The following SYNDIG1 variants were observed in gnomAD, a reference collection of about 807,000 sequenced individuals.
SYNDIG1 encodes the protein synapse differentiation inducing 1.
A neutral mutation model predicts 19.4 loss-of-function variants in SYNDIG1; 9 were observed. The ratio of observed to expected loss-of-function variants is 0.46; its 90% CI spans 0.28 to 0.81. The LOEUF (loss-of-function observed/expected upper bound fraction) is 0.81. Among genes scored for constraint, SYNDIG1 ranks in the 30% least tolerant of loss-of-function variants. The pLI is 0.12. For missense variants in SYNDIG1, 311 were observed against 343.3 expected, an observed-to-expected ratio of 0.91 and a Z score of 0.74; for synonymous variants, 141 against 145.9, an observed-to-expected ratio of 0.97 and a Z score of 0.24.
rs992791895 is a variant in SYNDIG1 at position 24,613,107 on chromosome 20, A to G, written c.618+28114A>G. Among the ~76,000 whole-genome samples, 15 of 152,210 alleles carry G rather than the reference A, an allele frequency of 9.9e-5. No individual in the cohort carries two copies. The East Asian group carries it at 1.7e-3, about 18-fold the overall frequency. On this transcript the variant is annotated intron_variant, in intron 3 of 3. Coordinates refer to ENST00000376862, the MANE Select transcript of SYNDIG1 (RefSeq NM_024893.3). ...TGCTTGGCTAAACTGCCCACCTGTA[A>G]GGCAACCTAGAAGATACCAGACCTC...
At chr20:24,657,905 AAC>A (rs2059544715) in intron 3 of SYNDIG1, among the ~76,000 whole-genome samples, 1 of 152,196 alleles carries the variant, frequency 6.6e-6, no homozygotes, top group Non-Finnish European at 1.5e-5. Context: ...TGAACCATAA[AAC>A]ACCCATGGTG....
At chr20:24,632,957 T>TG (rs1329367383) in intron 3 of SYNDIG1, among the ~76,000 whole-genome samples, 1 of 152,116 alleles carries the variant, frequency 6.6e-6, no homozygotes, top group East Asian at 1.9e-4. Flanking sequence ...GTTTGTTTTT[T>TG]TTTTTTTTTC....
chr20:24,485,168 C>G (rs772916078), intron 1 of SYNDIG1, among the ~76,000 whole-genome samples: 28 of 152,320 alleles, frequency 1.8e-4, no homozygotes, highest in Non-Finnish European at 2.9e-4. Flanking sequence ...AAATAAACCT[C>G]TTTCCTTTAT....
chr20:24,630,102 C>A (rs990465705), intron 3 of SYNDIG1, among the ~76,000 whole-genome samples: 1 of 152,030 alleles, frequency 6.6e-6, no homozygotes, highest in East Asian at 1.9e-4. Context: ...TGCCAGAACT[C>A]GATAAGAAAA....
At chr20:24,483,897 G>A (rs1016884133) in intron 1 of SYNDIG1, among the ~76,000 whole-genome samples, 3 of 152,112 alleles carry the variant, frequency 2.0e-5, no homozygotes, top group Admixed American at 6.5e-5. Context: ...GGGATGCTGC[G>A]TCCAGATGCA....
At chr20:24,544,869 T>C (rs1182838788) in intron 2 of SYNDIG1, among the ~76,000 whole-genome samples, 3 of 152,090 alleles carry the variant, frequency 2.0e-5, no homozygotes, top group Non-Finnish European at 4.4e-5. Context: ...TGTGTGAAGA[T>C]CTGGTCAGAC....
At chr20:24,607,437 C>A (rs923457289) in intron 3 of SYNDIG1, among the ~76,000 whole-genome samples, 3 of 151,880 alleles carry the variant, frequency 2.0e-5, no homozygotes, top group African/African-American at 7.3e-5. Context: ...CCCAGTTGGG[C>A]ACCCTGGTTC....
intron 1 of SYNDIG1, among the ~76,000 whole-genome samples, chr20:24,529,754 G>A (rs1194243425): frequency 6.8e-6 from 1 of 146,426 alleles, no homozygotes; most frequent in African/African-American, 2.5e-5. Context: ...TGGTAATGGT[G>A]ATGGTACTCC....
At chr20:24,497,020 A>G (rs999958559) in intron 1 of SYNDIG1, among the ~76,000 whole-genome samples, 1 of 152,182 alleles carries the variant, frequency 6.6e-6, no homozygotes, top group Non-Finnish European at 1.5e-5. Context: ...CATTTGCTTA[A>G]TTTACTATTT....
intron 1 of SYNDIG1, among the ~76,000 whole-genome samples, chr20:24,501,981 C>G (rs1374351317): frequency 6.6e-6 from 1 of 152,234 alleles, no homozygotes; most frequent in Non-Finnish European, 1.5e-5. Flanking sequence ...GGGCCGAGAA[C>G]GAATGGCCCA....
intron 1 of SYNDIG1, chr20:24,495,533 A>T (rs1483444211): frequency 1.3e-5 from 2 of 152,320 alleles, no homozygotes; most frequent in Non-Finnish European, 2.9e-5. Flanking sequence ...GGCTGTGCTG[A>T]TCCACCTTTC....
chr20:24,612,127 A>G (rs546491112), intron 3 of SYNDIG1, among the ~76,000 whole-genome samples: 1 of 152,242 alleles, frequency 6.6e-6, no homozygotes, highest in Non-Finnish European at 1.5e-5. Flanking sequence ...ACCTGCCACC[A>G]TTGTGTGCTG....
At chr20:24,657,822 TA>T (rs1419252928) in intron 3 of SYNDIG1, among the ~76,000 whole-genome samples, 1 of 150,254 alleles carries the variant, frequency 6.7e-6, no homozygotes, top group Non-Finnish European at 1.5e-5. Flanking sequence ...TGATGATAAA[TA>T]ATGGAAATAA....
At chr20:24,656,603 G>A (rs1002087681) in intron 3 of SYNDIG1, among the ~76,000 whole-genome samples, 6 of 152,210 alleles carry the variant, frequency 3.9e-5, no homozygotes, top group East Asian at 1.9e-4. Flanking sequence ...ATGCAGGACC[G>A]AGCTGAAGCC....
At chr20:24,501,655 TG>T (rs1380463690) in intron 1 of SYNDIG1, among the ~76,000 whole-genome samples, 1 of 152,134 alleles carries the variant, frequency 6.6e-6, no homozygotes, top group African/African-American at 2.4e-5. Flanking sequence ...CTTCTGGAAA[TG>T]GGGGTAGTTA....
intron 1 of SYNDIG1, among the ~76,000 whole-genome samples, chr20:24,489,686 C>A (rs1328458392): frequency 6.6e-6 from 1 of 152,230 alleles, no homozygotes; most frequent in Admixed American, 6.5e-5. Flanking sequence ...AATGCACACA[C>A]AGGCACACTT....
At chr20:24,625,006 T>C (rs1252644147) in intron 3 of SYNDIG1, among the ~76,000 whole-genome samples, 4 of 152,184 alleles carry the variant, frequency 2.6e-5, no homozygotes, top group Non-Finnish European at 5.9e-5. Context: ...TTAGTGTACA[T>C]GAAAATATAA....
rs1600498438 is a variant in SYNDIG1 at position 24,517,340 on chromosome 20, G to T, written c.-78-25680G>T. Among the ~76,000 whole-genome samples, 6 of 150,700 alleles carry T rather than the reference G, an allele frequency of 4.0e-5. 1 individual carries two copies. In the South Asian group the frequency reaches 1.0e-3, roughly 26 times the overall value. On this transcript the variant is annotated intron_variant, in intron 1 of 3. Coordinates refer to ENST00000376862, the MANE Select transcript of SYNDIG1 (RefSeq NM_024893.3). ...ATAAATAAATATATATATATGCCGG[G>T]TGTGGTGGCTCACGCCTGTAATCCC...
In SYNDIG1 at chr20:24,507,168, G is replaced by T. The variant is rs557659744; in HGVS notation, c.-78-35852G>T. ...CCCAGTCCACCTCTGAGTTACTGGT[G>T]GTCCATCCTCCACCTCTGTCCATTA... On this transcript the variant is annotated intron_variant, in intron 1 of 3. Transcript: ENST00000376862. Among the ~76,000 whole-genome samples the T allele has an allele frequency of 3.9e-5, 6 of 152,238 alleles. No individual in the cohort carries two copies. In the East Asian group the frequency reaches 1.2e-3, roughly 29 times the overall value.
Sources: gnomAD v4.1 joint callset for allele counts (sites outside exome capture counted in the v4.1 genomes callset) on GRCh38, gnomAD v4.1.1 for gene constraint, MANE v1.5 for transcripts, NCBI Gene and HGNC (gene_info 2026-07-23, HGNC 2026-07-21) for gene names.